The following DNAJC5B variants were observed in gnomAD, a reference collection of about 807,000 sequenced individuals.
The protein encoded by DNAJC5B is dnaJ homolog subfamily C member 5B.
Under a neutral mutation model 24.7 loss-of-function variants are expected in DNAJC5B, and 23 were observed. That is an observed-to-expected ratio of 0.93 (90% CI 0.67 to 1.32). The LOEUF (loss-of-function observed/expected upper bound fraction) is 1.32. Ranked by LOEUF, DNAJC5B falls within the 40% of genes most tolerant of loss-of-function variation. The probability of loss-of-function intolerance (pLI) is 0.00; values close to 1 mark genes in which losing one functional copy is unlikely to be tolerated. For missense variants in DNAJC5B, 238 were observed against 240.8 expected (o/e 0.99, Z 0.08); for synonymous variants, 101 against 90.1 (o/e 1.12, Z -0.68).
chr8:66,029,209 G>A (rs542135204), intron 1 of DNAJC5B, among the ~76,000 whole-genome samples: 3 of 152,252 alleles, frequency 2.0e-5, no homozygotes, highest in East Asian at 1.9e-4. Flanking sequence ...GACCCTTTGC[G>A]CTGAAGGAGT....
In DNAJC5B at chr8:66,100,264, ATT is replaced by A; in HGVS notation, c.*236_*237del. On this transcript the variant is annotated 3_prime_UTR_variant, in exon 6 of 6. Coordinates refer to ENST00000276570, the MANE Select transcript of DNAJC5B (RefSeq NM_033105.6). ...TGGGTGAATAAAGGCCTGAAGAGTTATTTTACCCTCCTTGCCTGATGTAGGAC... is the reference window on the plus strand; with the variant it reads ...TGGGTGAATAAAGGCCTGAAGAGTTATTACCCTCCTTGCCTGATGTAGGAC... 2 of 435,572 alleles carry A rather than the reference ATT, an allele frequency of 4.6e-6. No individual in the cohort carries two copies. 27.0% of individuals were successfully genotyped at this position (435,572 alleles called of 1,614,324 possible). A position where few individuals can be genotyped will look rare whatever the true frequency, so the allele number is the denominator to read the frequency against.
Position 66,068,508 on chromosome 8 carries a change from T to C in DNAJC5B, c.120-8152T>C, listed in dbSNP as rs187799167. 1.3e-3 allele frequency among the ~76,000 whole-genome samples: 201 copies of C among 152,022 alleles called. 1 individual carries two copies. The highest frequency in any genetic ancestry group is 2.0e-3 in the Admixed American group (30 of 15,266). ...CAAAAAGATGGAAAATGAAAAAAGA[T>C]TTAAAAATAGAAGATTTATTAACAA... On this transcript the variant is annotated intron_variant, in intron 3 of 5. Coordinates refer to ENST00000276570, the MANE Select transcript of DNAJC5B (RefSeq NM_033105.6).
chr8:66,021,622 A>G lies in DNAJC5B; in HGVS notation c.-225A>G, dbSNP rs747106197. 2 of 152,340 alleles carry G rather than the reference A, an allele frequency of 1.3e-5. No individual in the cohort carries two copies. Among genetic ancestry groups the G allele is most frequent in the Non-Finnish European group, 2.9e-5 (2 of 68,108 alleles). 9.4% of individuals were successfully genotyped at this position (152,340 alleles called of 1,614,324 possible). On this transcript the variant is annotated 5_prime_UTR_variant, in exon 1 of 6. It removes an upstream start codon present in the reference 5' UTR. Coordinates refer to ENST00000276570, the MANE Select transcript of DNAJC5B (RefSeq NM_033105.6). ...GGGAGCTAGAAGGGATCAGCCAGCCATGCCTCCAGTTCAGGTACTTGGCAT... is the reference window on the plus strand; with the variant it reads ...GGGAGCTAGAAGGGATCAGCCAGCCGTGCCTCCAGTTCAGGTACTTGGCAT...
At chr8:66,027,467 G>A (rs762769871) in intron 1 of DNAJC5B, among the ~76,000 whole-genome samples, 1 of 152,184 alleles carries the variant, frequency 6.6e-6, no homozygotes, top group Non-Finnish European at 1.5e-5. Flanking sequence ...AAAAGGAAGT[G>A]AAAGATTCAC....
chr8:66,043,456 A>G (rs1806656424), intron 1 of DNAJC5B, 32 bp from the exon 2 acceptor site: 1 of 152,246 alleles, frequency 6.6e-6, no homozygotes, highest in South Asian at 2.1e-4. Context: ...ACGGTCATGC[A>G]TGTTTCATTC....
intron 1 of DNAJC5B, among the ~76,000 whole-genome samples, chr8:66,037,794 T>C (rs1260010989): frequency 3.9e-5 from 6 of 152,320 alleles, no homozygotes; most frequent in East Asian, 3.9e-4. Context: ...TAGTGAGCCT[T>C]GGCTGTTTGT....
intron 1 of DNAJC5B, among the ~76,000 whole-genome samples, chr8:66,031,335 G>T (rs971568557): frequency 1.3e-5 from 2 of 152,104 alleles, no homozygotes; most frequent in African/African-American, 4.8e-5. Flanking sequence ...GTGCTACTTA[G>T]GTCATTATTG....
At chr8:66,016,990 ATT>A (rs544341922), upstream of DNAJC5B, among the ~76,000 whole-genome samples, 15 of 145,694 alleles carry the variant, frequency 1.0e-4, no homozygotes, top group African/African-American at 3.3e-4. Context: ...GTCAAATATA[ATT>A]TTTTTTTTTT....
intron 5 of DNAJC5B, among the ~76,000 whole-genome samples, chr8:66,089,850 A>T (rs1255792858): frequency 6.6e-6 from 1 of 152,148 alleles, no homozygotes; most frequent in African/African-American, 2.4e-5. Context: ...GCAGATTCCT[A>T]TGTCTTTCTT....
At chr8:66,089,066 T>C (rs1807790742) in intron 5 of DNAJC5B, among the ~76,000 whole-genome samples, 1 of 152,194 alleles carries the variant, frequency 6.6e-6, no homozygotes, top group Non-Finnish European at 1.5e-5. Context: ...TGAGACTGGG[T>C]AATTTATAAA....
chr8:66,066,846 C>T (rs145839472), intron 3 of DNAJC5B, among the ~76,000 whole-genome samples: 2 of 152,290 alleles, frequency 1.3e-5, no homozygotes, highest in Non-Finnish European at 2.9e-5. Context: ...ACCACCTGTA[C>T]TCCAAAAGCT....
At chr8:66,026,264 C>T (rs1454233152) in intron 1 of DNAJC5B, among the ~76,000 whole-genome samples, 2 of 150,752 alleles carry the variant, frequency 1.3e-5, no homozygotes, top group East Asian at 3.9e-4. Context: ...GATTTTTGTA[C>T]ATTGATTTTG....
intron 4 of DNAJC5B, among the ~76,000 whole-genome samples, chr8:66,077,752 T>A (rs1807503074): frequency 6.6e-6 from 1 of 152,240 alleles, no homozygotes; most frequent in Non-Finnish European, 1.5e-5. Flanking sequence ...AAATTGAGTT[T>A]TATGTATGCA....
rs1806125956 is a variant in DNAJC5B at position 66,021,681 on chromosome 8, G to C, written c.-166G>C. ...TCAGAACAGGACTTGCCAGTGTCTAGATGAAAAAGAGGAGAGATCTCAAGG... is the reference window on the plus strand; with the variant it reads ...TCAGAACAGGACTTGCCAGTGTCTACATGAAAAAGAGGAGAGATCTCAAGG... On this transcript the variant is annotated 5_prime_UTR_variant, in exon 1 of 6. It removes the in-frame stop codon of an upstream open reading frame in the 5' UTR. Coordinates refer to ENST00000276570, the MANE Select transcript of DNAJC5B (RefSeq NM_033105.6). 1.3e-5 allele frequency: 2 copies of C among 152,314 alleles called. No homozygotes were observed. 9.4% of individuals were successfully genotyped at this position (152,314 alleles called of 1,614,324 possible).
intron 2 of DNAJC5B, among the ~76,000 whole-genome samples, chr8:66,049,455 T>C (rs1806798129): frequency 6.6e-6 from 1 of 152,194 alleles, no homozygotes; most frequent in Admixed American, 6.5e-5. Flanking sequence ...CTTTTCTGTG[T>C]TTAGGTGTTA....
chr8:66,016,009 T>C, the DNAJC5B span, among the ~76,000 whole-genome samples: 294 of 152,308 alleles, frequency 1.9e-3, 3 homozygotes, highest in Admixed American at 0.013. Context: ...GGGTCATTTA[T>C]ATATAACAGG....
intron 1 of DNAJC5B, among the ~76,000 whole-genome samples, chr8:66,028,533 AACCTGTT>A (rs1157308296): frequency 6.6e-6 from 1 of 152,142 alleles, no homozygotes; most frequent in Non-Finnish European, 1.5e-5. Context: ...ATCTTTGGCA[AACCTGTT>A]CCCCCTTTGT....
chr8:66,083,972 G>A lies in DNAJC5B; in HGVS notation c.505+3424G>A, dbSNP rs138261956. 1.7e-3 allele frequency among the ~76,000 whole-genome samples: 262 copies of A among 152,284 alleles called. 6 individuals carry two copies. In the East Asian group the frequency reaches 0.045, roughly 26 times the overall value. ...CACAAAATGTGAACACATCGTTAGG[G>A]CCCCAACAGGCCCTTGGAAGGCACA... On this transcript the variant is annotated intron_variant, in intron 5 of 5. Coordinates refer to ENST00000276570, the MANE Select transcript of DNAJC5B (RefSeq NM_033105.6).
intron 4 of DNAJC5B, among the ~76,000 whole-genome samples, chr8:66,079,219 T>C (rs1009636076): frequency 6.6e-6 from 1 of 152,160 alleles, no homozygotes; most frequent in East Asian, 1.9e-4. Flanking sequence ...TTTATTACTT[T>C]ATACAATCAT....
Sources: allele counts gnomAD v4.1 joint callset (sites outside exome capture counted in the v4.1 genomes callset), GRCh38; gene constraint gnomAD v4.1.1; transcripts MANE v1.5; gene names NCBI Gene and HGNC (gene_info 2026-07-23, HGNC 2026-07-21).